The following DENND1B variants were observed in gnomAD, a reference collection of about 807,000 sequenced individuals.
DENND1B encodes DENN domain containing 1B.
Under a neutral mutation model 90.1 loss-of-function variants are expected in DENND1B, and 59 were observed. The ratio of observed to expected loss-of-function variants is 0.65; its 90% CI spans 0.53 to 0.81. The LOEUF (loss-of-function observed/expected upper bound fraction) is 0.81, where lower values mean the gene tolerates loss of function less well. Among genes scored for constraint, DENND1B ranks in the 40% least tolerant of loss-of-function variants. The pLI, the probability that DENND1B is intolerant of heterozygous loss-of-function variation, is 0.00. For missense variants in DENND1B, 862 were observed against 912.6 expected, an observed-to-expected ratio of 0.94 and a Z score of 0.71; for synonymous variants, 337 against 324.6, an observed-to-expected ratio of 1.04 and a Z score of -0.41.
chr1:197,760,215 T>C (rs1320522216), intron 2 of DENND1B, among the ~76,000 whole-genome samples: 1 of 152,174 alleles, frequency 6.6e-6, no homozygotes, highest in African/African-American at 2.4e-5. Context: ...ATTTTGAGTA[T>C]ATCATAAGAA....
At chr1:197,527,823 C>T (rs1056912057) in intron 20 of DENND1B, among the ~76,000 whole-genome samples, 3 of 152,068 alleles carry the variant, frequency 2.0e-5, no homozygotes, top group East Asian at 1.9e-4. Flanking sequence ...GATTTACAAT[C>T]ACTTTTTTTT....
chr1:197,529,274 G>GTA (rs1558206103), intron 20 of DENND1B, among the ~76,000 whole-genome samples: 1 of 116,298 alleles, frequency 8.6e-6, no homozygotes, highest in Non-Finnish European at 1.8e-5. Context: ...GTGTGTATAT[G>GTA]TATATATGTA....
intron 20 of DENND1B, among the ~76,000 whole-genome samples, chr1:197,528,083 C>G (rs939314314): frequency 2.8e-4 from 42 of 152,266 alleles, no homozygotes; most frequent in African/African-American, 9.9e-4. Flanking sequence ...CCACACCCTA[C>G]TAGGTGTGGA....
At position 197,654,651 on chromosome 1, in the gene DENND1B, A is replaced by G. The variant is rs1222696847; in HGVS notation, c.367-2336T>C. ...TTTAAATCCAGGATTTCAGGGTTCA[A>G]TCAAACCACATTGCCAAAAGTCCAG... On this transcript the variant is annotated intron_variant, in intron 6 of 22. Transcript: ENST00000620048. Among the ~76,000 whole-genome samples the G allele has an allele frequency of 3.3e-5, 5 of 152,062 alleles. 1 individual carries two copies. The highest frequency in any genetic ancestry group is 1.2e-4 in the African/African-American group (5 of 41,482).
At chr1:197,562,823 G>A (rs1571886046) in intron 15 of DENND1B, among the ~76,000 whole-genome samples, 1 of 151,980 alleles carries the variant, frequency 6.6e-6, no homozygotes, top group Non-Finnish European at 1.5e-5. Flanking sequence ...CAAAGGAAAA[G>A]TTCTTGAAGG....
intron 20 of DENND1B, among the ~76,000 whole-genome samples, chr1:197,526,994 AAAAC>A (rs959038810): frequency 6.6e-6 from 1 of 152,188 alleles, no homozygotes; most frequent in Admixed American, 6.5e-5. Flanking sequence ...TAACTGATTT[AAAAC>A]AAACATTTAA....
At chr1:197,672,333 C>G (rs1655597972) in intron 4 of DENND1B, among the ~76,000 whole-genome samples, 177 bp from the exon 5 acceptor site, 1 of 151,810 alleles carries the variant, frequency 6.6e-6, no homozygotes, top group Non-Finnish European at 1.5e-5. Flanking sequence ...AAGTAAACAC[C>G]AAAATAAGTT....
At chr1:197,643,183 T>C (rs902661013) in intron 9 of DENND1B, among the ~76,000 whole-genome samples, 4 of 151,924 alleles carry the variant, frequency 2.6e-5, no homozygotes, top group African/African-American at 9.7e-5. Flanking sequence ...TTTTTTTTTT[T>C]CTTTTTTGTC....
intron 6 of DENND1B, among the ~76,000 whole-genome samples, chr1:197,654,445 A>G (rs559303127): frequency 1.3e-5 from 2 of 152,164 alleles, no homozygotes; most frequent in African/African-American, 2.4e-5. Context: ...CCGCGTCTCT[A>G]CTAAAAATAT....
intron 2 of DENND1B, among the ~76,000 whole-genome samples, chr1:197,720,220 A>G (rs1374793888): frequency 2.6e-5 from 4 of 152,098 alleles, no homozygotes; most frequent in African/African-American, 9.7e-5. Flanking sequence ...CTTCCAAAAT[A>G]ATTTTCAAAC....
intron 15 of DENND1B, among the ~76,000 whole-genome samples, chr1:197,572,756 T>G (rs1482772856): frequency 6.6e-6 from 1 of 152,150 alleles, no homozygotes; most frequent in Non-Finnish European, 1.5e-5. Flanking sequence ...CAGCCTCCAC[T>G]GTTGATACTC....
rs556048981 is a variant in DENND1B at position 197,652,369 on chromosome 1, C to T, written c.367-54G>A. ...AAATAAAACATATACCAAGCAACTG[C>T]AATTAAAACTATTTGATAAAATAAT... On this transcript the variant is annotated intron_variant, in intron 6 of 22. Transcript: ENST00000620048. 167 of 1,349,892 alleles carry T rather than the reference C, an allele frequency of 1.2e-4. No individual in the cohort carries two copies. The African/African-American group carries it at 1.7e-3, about 14-fold the overall frequency. 83.6% of individuals were successfully genotyped at this position (1,349,892 alleles called of 1,614,324 possible).
intron 15 of DENND1B, among the ~76,000 whole-genome samples, chr1:197,553,994 T>C (rs1259700648): frequency 6.6e-6 from 1 of 152,004 alleles, no homozygotes; most frequent in Non-Finnish European, 1.5e-5. Flanking sequence ...AGTCCTCACC[T>C]GTTCCAACAT....
chr1:197,770,400 A>G (rs1280251229), intron 2 of DENND1B, among the ~76,000 whole-genome samples: 1 of 151,970 alleles, frequency 6.6e-6, no homozygotes, highest in Non-Finnish European at 1.5e-5. Flanking sequence ...TAACTAGCTC[A>G]TGAAAAGTGG....
rs146830401 is a variant in DENND1B, at chr1:197,512,709, C to T, written c.1598+162G>A. 7.3e-4 allele frequency among the ~76,000 whole-genome samples: 111 copies of T among 151,650 alleles called. 3 individuals carry two copies. The East Asian group carries it at 9.2e-3, about 13-fold the overall frequency. On this transcript the variant is annotated intron_variant, in intron 21 of 22. Coordinates refer to ENST00000620048, the MANE Select transcript of DENND1B (RefSeq NM_001195215.2). ...TCTTAGTTTCCTGTCCCAAGATATC[C>T]CCCATAACATTCCAGGAGCACTGGG...
chr1:197,707,626 A>AATACATATATTATATAAT (rs1452889105), intron 3 of DENND1B, among the ~76,000 whole-genome samples: 1 of 147,352 alleles, frequency 6.8e-6, no homozygotes, highest in South Asian at 2.1e-4. Context: ...TATATAATAT[A>AATACATATATTATATAAT]ATACATATAT....
At chr1:197,643,101 T>G (rs904754945) in intron 9 of DENND1B, among the ~76,000 whole-genome samples, 2 of 152,126 alleles carry the variant, frequency 1.3e-5, no homozygotes, top group Non-Finnish European at 2.9e-5. Flanking sequence ...GAAAAGAAGC[T>G]AATTTCCTGG....
At position 197,573,614 on chromosome 1, in the gene DENND1B, G is replaced by A. The variant is rs184973868; in HGVS notation, c.1149+9538C>T. On this transcript the variant is annotated intron_variant, in intron 15 of 22. Transcript: ENST00000620048. ...TAACTCATTTTATGAGGCCAGTATC[G>A]TCTGGATACCAAAGCCTGGCAAAGA... Among the ~76,000 whole-genome samples the A allele has an allele frequency of 9.2e-5, 14 of 152,186 alleles. No homozygotes were observed. In the East Asian group the frequency reaches 1.2e-3, roughly 13 times the overall value.
intron 12 of DENND1B, among the ~76,000 whole-genome samples, chr1:197,608,478 AC>A (rs770246006): frequency 1.3e-5 from 2 of 150,652 alleles, no homozygotes; most frequent in African/African-American, 2.4e-5. Context: ...AGCTTTAAAT[AC>A]ATATATGTGT....
Sources: gnomAD v4.1 joint callset for allele counts (sites outside exome capture counted in the v4.1 genomes callset) on GRCh38, gnomAD v4.1.1 for gene constraint, MANE v1.5 for transcripts, NCBI Gene and HGNC (gene_info 2026-07-23, HGNC 2026-07-21) for gene names.